C12orf54: variants seen among roughly 807,000 people sequenced by gnomAD.
C12orf54 encodes the protein chromosome 12 open reading frame 54.
Under a neutral mutation model 26.4 loss-of-function variants are expected in C12orf54, and 24 were observed. The observed-to-expected ratio is 0.91, with a 90% confidence interval of 0.66 to 1.28. The LOEUF is 1.28. C12orf54 is among the 50% of genes most tolerant of loss of function. The probability of loss-of-function intolerance (pLI) is 0.00; values close to 1 mark genes in which losing one functional copy is unlikely to be tolerated. For synonymous variants in C12orf54, 54 were observed against 47.0 expected, an observed-to-expected ratio of 1.15 and a Z score of -0.61; for missense variants, 154 against 150.9, an observed-to-expected ratio of 1.02 and a Z score of -0.11.
At chr12:48,451,713 C>T in the C12orf54 span, among the ~76,000 whole-genome samples, 1 of 152,170 alleles carries the variant, frequency 6.6e-6, no homozygotes, top group East Asian at 1.9e-4. Flanking sequence ...AAGCCAACAG[C>T]CAAATCACAA....
At chr12:48,471,372 A>T in the C12orf54 span, among the ~76,000 whole-genome samples, 195 of 152,280 alleles carry the variant, frequency 1.3e-3, 3 homozygotes, top group Admixed American at 0.012. Context: ...TTGCTTCCAA[A>T]TCTTAGTAAA....
the C12orf54 span, among the ~76,000 whole-genome samples, chr12:48,458,259 G>T: frequency 6.6e-6 from 1 of 152,206 alleles, no homozygotes; most frequent in East Asian, 1.9e-4. Flanking sequence ...CAGCTAGTGA[G>T]GAGAATATTC....
chr12:48,486,779 G>C, intron 4 of C12orf54, 53 bp downstream of exon 4: 1 of 1,534,902 alleles, frequency 6.5e-7, no homozygotes, highest in Non-Finnish European at 9.0e-7. Flanking sequence ...GGAGGTGGGG[G>C]AAGTCTTCAG....
chr12:48,479,227 C>T (rs1462264891), upstream of C12orf54, among the ~76,000 whole-genome samples: 3 of 152,028 alleles, frequency 2.0e-5, no homozygotes, highest in East Asian at 5.8e-4. Flanking sequence ...ATGGATGAAA[C>T]AGGAAACCAT....
At chr12:48,460,357 A>T in the C12orf54 span, among the ~76,000 whole-genome samples, 1 of 152,100 alleles carries the variant, frequency 6.6e-6, no homozygotes, top group East Asian at 1.9e-4. Context: ...AGTAAAATGA[A>T]ACTTTGGAAA....
the C12orf54 span, chr12:48,473,001 G>C: frequency 1.2e-5 from 20 of 1,614,092 alleles, no homozygotes; most frequent in South Asian, 2.2e-4. Context: ...GAAAAAGTTA[G>C]AAAACCTCGA....
chr12:48,486,878 T>A, intron 4 of C12orf54, 152 bp downstream of exon 4: 1 of 745,242 alleles, frequency 1.3e-6, no homozygotes, highest in South Asian at 1.9e-5. Flanking sequence ...GTTCTGTTGC[T>A]CGTGCAGTCT....
At chr12:48,494,256 C>T (rs991876964) in intron 7 of C12orf54, among the ~76,000 whole-genome samples, 4 of 151,934 alleles carry the variant, frequency 2.6e-5, no homozygotes, top group Admixed American at 2.0e-4. Context: ...TGGTTTTTCC[C>T]GAACCAGGAA....
chr12:48,447,764 A>T, the C12orf54 span, among the ~76,000 whole-genome samples: 2 of 152,204 alleles, frequency 1.3e-5, no homozygotes, highest in African/African-American at 4.8e-5. Context: ...TGCAGATGTC[A>T]TTAAAGTTAT....
chr12:48,431,486 C>G, the C12orf54 span, among the ~76,000 whole-genome samples: 1 of 151,848 alleles, frequency 6.6e-6, no homozygotes, highest in African/African-American at 2.4e-5. Context: ...AAACAAAATA[C>G]TAATTAAATT....
At chr12:48,448,264 T>C in the C12orf54 span, among the ~76,000 whole-genome samples, 4 of 152,230 alleles carry the variant, frequency 2.6e-5, no homozygotes, top group Non-Finnish European at 5.9e-5. Context: ...TGTAATTTCA[T>C]TTGTTACACA....
chr12:48,445,810 C>T, the C12orf54 span, among the ~76,000 whole-genome samples: 1 of 152,118 alleles, frequency 6.6e-6, no homozygotes, highest in Non-Finnish European at 1.5e-5. Context: ...TTCTTCACTC[C>T]CAATCCAAGT....
chr12:48,454,763 A>G, the C12orf54 span, among the ~76,000 whole-genome samples: 4 of 152,216 alleles, frequency 2.6e-5, no homozygotes, highest in Non-Finnish European at 5.9e-5. Context: ...CTGTTGGGTA[A>G]CTATAGTAAC....
At chr12:48,457,333 TTTTG>T in the C12orf54 span, among the ~76,000 whole-genome samples, 1 of 151,980 alleles carries the variant, frequency 6.6e-6, no homozygotes, top group East Asian at 1.9e-4. Flanking sequence ...TGTTTAGTTT[TTTTG>T]TTTGTTTGTT....
chr12:48,442,681 G>C, the C12orf54 span: 1 of 166,498 alleles, frequency 6.0e-6, no homozygotes, highest in African/African-American at 2.4e-5. Flanking sequence ...CTACTGAGAT[G>C]GTTTTCTTCT....
chr12:48,431,187 T>G, the C12orf54 span, among the ~76,000 whole-genome samples: 15 of 152,208 alleles, frequency 9.9e-5, no homozygotes, highest in East Asian at 7.7e-4. Flanking sequence ...ACAAATAGGG[T>G]GCAATGTGTA....
the C12orf54 span, among the ~76,000 whole-genome samples, chr12:48,453,556 T>C: frequency 4.2e-3 from 546 of 130,008 alleles, 34 homozygotes; most frequent in African/African-American, 0.014. Flanking sequence ...TATACACATA[T>C]ATATACATAT....
chr12:48,417,983 G>A, the C12orf54 span, among the ~76,000 whole-genome samples: 4 of 152,044 alleles, frequency 2.6e-5, no homozygotes, highest in Admixed American at 6.6e-5. Flanking sequence ...CCAATCCAGC[G>A]TTGATGGGCA....
chr12:48,454,363 T>A, the C12orf54 span, among the ~76,000 whole-genome samples: 1 of 152,114 alleles, frequency 6.6e-6, no homozygotes, highest in Non-Finnish European at 1.5e-5. Context: ...CCTCCCAAAG[T>A]GCTGGGATTA....
Sources: gnomAD v4.1 joint callset for allele counts (sites outside exome capture counted in the v4.1 genomes callset) on GRCh38, gnomAD v4.1.1 for gene constraint, MANE v1.5 for transcripts, NCBI Gene and HGNC (gene_info 2026-07-23, HGNC 2026-07-21) for gene names.